KIAA1549L: variants seen among roughly 807,000 people sequenced by gnomAD.
KIAA1549L encodes the protein UPF0606 protein KIAA1549L.
Under a neutral mutation model 160.7 loss-of-function variants are expected in KIAA1549L, and 88 were observed. The observed-to-expected ratio is 0.55, with a 90% confidence interval of 0.46 to 0.65. The LOEUF is 0.65. Among genes scored for constraint, KIAA1549L ranks in the 30% least tolerant of loss-of-function variants. KIAA1549L has a pLI of 0.00. For missense variants in KIAA1549L, 2,258 were observed against 2,437.5 expected (o/e 0.93, Z 1.55); for synonymous variants, 950 against 976.7 (o/e 0.97, Z 0.51).
intron 1 of KIAA1549L, among the ~76,000 whole-genome samples, chr11:33,427,974 T>G (rs1364101631): frequency 1.3e-5 from 2 of 152,272 alleles, no homozygotes; most frequent in African/African-American, 4.8e-5. Context: ...GTTAGTAATG[T>G]TTCATTGTAT....
chr11:33,623,090 A>G (rs2133358637), intron 16 of KIAA1549L, among the ~76,000 whole-genome samples: 1 of 152,250 alleles, frequency 6.6e-6, no homozygotes, highest in East Asian at 1.9e-4. Flanking sequence ...GTAAATTTGT[A>G]ATCCTATTAT....
chr11:33,645,728 C>T lies in KIAA1549L; in HGVS notation c.5452C>T (p.Pro1818Ser). 2 of 1,613,956 alleles carry T rather than the reference C, an allele frequency of 1.2e-6. No individual in the cohort carries two copies. Among genetic ancestry groups the T allele is most frequent in the Admixed American group, 1.7e-5 (1 of 60,032 alleles). The change falls in exon 17 of 21, where the codon CCT (proline) becomes TCT (serine). Residue 1818 changes from proline to serine, a missense_variant. By Grantham distance (74) the Pro-to-Ser change is moderately conservative. This residue lies in a region of KIAA1549L where 1,359 missense variants were observed against 1,546.6 expected (regional missense o/e 0.88). Transcript: ENST00000658780. The stretch of plus-strand genomic sequence containing the variant: ...AGAGGAAACCAACATTGACAGAGTT[C>T]CTGAGCCCCGGGGCTATTCCAGGTC... ...IIEETNIDRV[P>S]EPRGYSRSRQ...
At chr11:33,463,376 A>T (rs1381515574) in intron 1 of KIAA1549L, among the ~76,000 whole-genome samples, 1 of 152,064 alleles carries the variant, frequency 6.6e-6, no homozygotes, top group Non-Finnish European at 1.5e-5. Context: ...CTCTTTTGCA[A>T]GCCAGTGTAA....
chr11:33,659,449 A>G (rs1013491410), intron 19 of KIAA1549L, among the ~76,000 whole-genome samples: 10 of 152,206 alleles, frequency 6.6e-5, no homozygotes, highest in Non-Finnish European at 1.3e-4. Flanking sequence ...TTAAACTGCC[A>G]TGTGGTATTC....
At chr11:33,386,719 G>A (rs1433609312) in intron 1 of KIAA1549L, among the ~76,000 whole-genome samples, 2 of 151,856 alleles carry the variant, frequency 1.3e-5, no homozygotes, top group Non-Finnish European at 2.9e-5. Flanking sequence ...GCCATTGTTA[G>A]GAATTTTTAG....
At chr11:33,383,651 G>A (rs1436549592) in intron 1 of KIAA1549L, among the ~76,000 whole-genome samples, 2 of 152,170 alleles carry the variant, frequency 1.3e-5, no homozygotes, top group Non-Finnish European at 2.9e-5. Context: ...GCAGCCCGTG[G>A]TCCAGGACAA....
intron 1 of KIAA1549L, among the ~76,000 whole-genome samples, chr11:33,432,140 C>T (rs962669296): frequency 3.3e-5 from 5 of 152,232 alleles, no homozygotes; most frequent in African/African-American, 1.2e-4. Context: ...CACACCTCCC[C>T]GCAAGCTGAG....
intron 1 of KIAA1549L, among the ~76,000 whole-genome samples, chr11:33,452,040 C>G (rs974711040): frequency 6.6e-6 from 1 of 152,146 alleles, no homozygotes; most frequent in Non-Finnish European, 1.5e-5. Context: ...ATGATTTTCC[C>G]CATTGTGCTA....
intron 16 of KIAA1549L, among the ~76,000 whole-genome samples, chr11:33,622,140 A>G (rs924676135): frequency 6.6e-6 from 1 of 152,162 alleles, no homozygotes; most frequent in Non-Finnish European, 1.5e-5. Context: ...TTCTCACTCC[A>G]GAGGGCTTCT....
chr11:33,635,064 T>C (rs1851402786), intron 16 of KIAA1549L, among the ~76,000 whole-genome samples: 1 of 152,218 alleles, frequency 6.6e-6, no homozygotes, highest in Non-Finnish European at 1.5e-5. Context: ...GCTTCCAGGA[T>C]GCAGGCTTAT....
chr11:33,490,409 C>T lies in KIAA1549L; in HGVS notation c.239-51393C>T, dbSNP rs117986297. 3.2e-3 allele frequency among the ~76,000 whole-genome samples: 482 copies of T among 151,784 alleles called. 32 individuals are homozygous for T. The East Asian group carries it at 0.088, about 28-fold the overall frequency. ...TGCAATCTTGGCTCACTGCAACCTC[C>T]GCCCTCTGGGCTCAAGTGATCCTCC... is the stretch of plus-strand genomic sequence containing the variant. On this transcript the variant is annotated intron_variant, in intron 1 of 20. Transcript: ENST00000658780.
chr11:33,589,305 C>T (rs6484660), intron 11 of KIAA1549L, among the ~76,000 whole-genome samples: 56,993 of 151,872 alleles, frequency 0.38, 13,600 homozygotes, highest in African/African-American at 0.68. Flanking sequence ...ACTTTTACAC[C>T]GTTGGTGGGA....
chr11:33,611,778 G>A (rs765960743), intron 15 of KIAA1549L, among the ~76,000 whole-genome samples: 6 of 152,136 alleles, frequency 3.9e-5, no homozygotes, highest in Non-Finnish European at 7.4e-5. Flanking sequence ...GAGAGGTGGG[G>A]CTAAATTTTA....
chr11:33,511,267 C>A (rs776757528), intron 1 of KIAA1549L, among the ~76,000 whole-genome samples: 1 of 152,184 alleles, frequency 6.6e-6, no homozygotes, highest in African/African-American at 2.4e-5. Context: ...GAGGCTGTTT[C>A]TTCAGGCCTC....
chr11:33,416,861 G>A (rs1429787356), intron 1 of KIAA1549L, among the ~76,000 whole-genome samples: 1 of 152,200 alleles, frequency 6.6e-6, no homozygotes. Context: ...TCAGCTGGAT[G>A]CCAGCTGGAT....
chr11:33,479,341 G>A (rs530535586), intron 1 of KIAA1549L, among the ~76,000 whole-genome samples: 3 of 152,346 alleles, frequency 2.0e-5, no homozygotes, highest in African/African-American at 7.2e-5. Flanking sequence ...TGATTGGCCA[G>A]CGTTAGGAAG....
chr11:33,488,610 G>T (rs765928356), intron 1 of KIAA1549L, among the ~76,000 whole-genome samples: 8 of 152,184 alleles, frequency 5.3e-5, no homozygotes, highest in Non-Finnish European at 1.2e-4. Flanking sequence ...AATTTTGTGG[G>T]TATGGAAATT....
intron 1 of KIAA1549L, among the ~76,000 whole-genome samples, chr11:33,532,583 A>T (rs1672896820): frequency 6.6e-6 from 1 of 152,244 alleles, no homozygotes; most frequent in African/African-American, 2.4e-5. Context: ...AAGGTTACTC[A>T]GTTAGCAAAT....
Position 33,453,998 on chromosome 11 carries a change from G to A in KIAA1549L, c.238+77109G>A, listed in dbSNP as rs528859520. On this transcript the variant is annotated intron_variant, in intron 1 of 20. Transcript: ENST00000658780. The stretch of plus-strand genomic sequence containing the variant: ...TTTTTAATTCCTCTGTTGCCAAAGT[G>A]TTTATATGCTATTTGGGGAAACAAG... 2.6e-5 allele frequency among the ~76,000 whole-genome samples: 4 copies of A among 152,286 alleles called. No homozygotes were observed. In the South Asian group the frequency reaches 8.3e-4, roughly 32 times the overall value.
Sources: allele counts gnomAD v4.1 joint callset (sites outside exome capture counted in the v4.1 genomes callset), GRCh38; gene constraint gnomAD v4.1.1; regional missense constraint gnomAD v4.1.1; transcripts MANE v1.5; gene names NCBI Gene and HGNC (gene_info 2026-07-23, HGNC 2026-07-21).